Variants in DAB1 observed in about 807,000 individuals in gnomAD.
DAB1 encodes DAB adaptor protein 1.
DAB1 carries 15 observed loss-of-function variants against 64.6 expected under a neutral mutation model. The ratio of observed to expected loss-of-function variants is 0.23; its 90% CI spans 0.16 to 0.36. The LOEUF is 0.36. Among genes scored for constraint, DAB1 ranks in the 10% least tolerant of loss-of-function variants. The probability of loss-of-function intolerance (pLI) is 1.00; values close to 1 mark genes in which losing one functional copy is unlikely to be tolerated. For missense variants in DAB1, 596 were observed against 706.7 expected (o/e 0.84, Z 1.78); for synonymous variants, 235 against 251.9 (o/e 0.93, Z 0.64).
intron 4 of DAB1, among the ~76,000 whole-genome samples, chr1:58,238,579 G>A (rs1430036699): frequency 1.3e-5 from 2 of 152,158 alleles, no homozygotes; most frequent in African/African-American, 4.8e-5. Context: ...AGAAGTGTGG[G>A]ATATCCTGTT....
In DAB1 at chr1:58,057,174, T is replaced by G. The variant is rs115785362; in HGVS notation, n.387+93337A>C. ...TGTGTAAAGTGCCTACCACAGTTCT[T>G]AATATATTGTAAGTGCTCAAGAATG... On this transcript the variant is annotated intron_variant and non_coding_transcript_variant, in intron 5 of 20. Coordinates refer to the DAB1 transcript ENST00000485760. Among the ~76,000 whole-genome samples, 990 of 152,260 alleles carry G rather than the reference T, an allele frequency of 6.5e-3. 11 individuals carry two copies. The highest frequency in any genetic ancestry group is 0.023 in the African/African-American group (958 of 41,532).
intron 3 of DAB1, among the ~76,000 whole-genome samples, chr1:58,434,396 T>C (rs1376876441): frequency 7.4e-6 from 1 of 135,144 alleles, no homozygotes; most frequent in Non-Finnish European, 1.5e-5. Context: ...GGCGTGGATG[T>C]AGGACATGAG....
At chr1:58,214,275 C>G (rs897501297) in intron 4 of DAB1, among the ~76,000 whole-genome samples, 2 of 152,140 alleles carry the variant, frequency 1.3e-5, no homozygotes, top group African/African-American at 4.8e-5. Flanking sequence ...GAACTAGACG[C>G]CTCACTGAAG....
intron 7 of DAB1, among the ~76,000 whole-genome samples, chr1:57,551,221 T>C (rs1016572500): frequency 6.6e-6 from 1 of 152,158 alleles, no homozygotes; most frequent in African/African-American, 2.4e-5. Flanking sequence ...GTGCCACCTA[T>C]TTGCAGTTCT....
intron 5 of DAB1, among the ~76,000 whole-genome samples, chr1:57,928,752 A>C (rs543312384): frequency 9.9e-4 from 150 of 152,200 alleles, no homozygotes; most frequent in Non-Finnish European, 1.8e-3. Context: ...TAAACATTTA[A>C]GTTTCCTCCA....
intron 5 of DAB1, among the ~76,000 whole-genome samples, chr1:58,118,481 TATATATATATATATATATATATACAC>T (rs1359592707): frequency 8.3e-5 from 6 of 72,162 alleles, no homozygotes; most frequent in Non-Finnish European, 1.4e-4. Flanking sequence ...TATATATATA[TATATATATATATATATATATATACAC>T]ACACACACAC....
At chr1:57,830,041 A>G (rs1250086766) in intron 1 of DAB1, among the ~76,000 whole-genome samples, 1 of 152,140 alleles carries the variant, frequency 6.6e-6, no homozygotes, top group Non-Finnish European at 1.5e-5. Context: ...CTGCTCTGCT[A>G]TGAGAACTGG....
At chr1:57,409,813 A>G (rs1007223315) in intron 1 of DAB1, among the ~76,000 whole-genome samples, 1 of 152,166 alleles carries the variant, frequency 6.6e-6, no homozygotes, top group African/African-American at 2.4e-5. Context: ...CGTCTCCAAA[A>G]AGCAAACAAA....
chr1:57,277,487 A>T (rs1018531967), intron 2 of DAB1, among the ~76,000 whole-genome samples: 1 of 152,184 alleles, frequency 6.6e-6, no homozygotes, highest in Non-Finnish European at 1.5e-5. Flanking sequence ...AGTCTTGCAG[A>T]GCCTCAAGAA....
At chr1:58,309,731 C>T (rs1280897058) in intron 4 of DAB1, among the ~76,000 whole-genome samples, 1 of 152,068 alleles carries the variant, frequency 6.6e-6, no homozygotes, top group East Asian at 1.9e-4. Context: ...ATAATGAAGA[C>T]CCTGAAATTG....
intron 3 of DAB1, among the ~76,000 whole-genome samples, chr1:58,476,970 A>G (rs1645424814): frequency 6.6e-6 from 1 of 152,194 alleles, no homozygotes; most frequent in Non-Finnish European, 1.5e-5. Flanking sequence ...CACATTGACT[A>G]ATATTTTTGA....
At chr1:57,534,485 A>G (rs1644702137) in intron 7 of DAB1, among the ~76,000 whole-genome samples, 1 of 152,144 alleles carries the variant, frequency 6.6e-6, no homozygotes, top group African/African-American at 2.4e-5. Flanking sequence ...ACCCTGCTCC[A>G]GGCTGTGGGA....
At chr1:57,393,111 G>A (rs747830847) in intron 1 of DAB1, among the ~76,000 whole-genome samples, 2 of 152,116 alleles carry the variant, frequency 1.3e-5, no homozygotes, top group Non-Finnish European at 2.9e-5. Context: ...ATTGTGGAAT[G>A]GCTAAATCGA....
chr1:57,043,799 A>T (rs912358100), intron 9 of DAB1, among the ~76,000 whole-genome samples: 1 of 151,876 alleles, frequency 6.6e-6, no homozygotes, highest in Non-Finnish European at 1.5e-5. Context: ...GTGAGCCGAG[A>T]TTGCACCACT....
chr1:57,215,306 T>A (rs1403863863), intron 2 of DAB1, among the ~76,000 whole-genome samples: 1 of 152,178 alleles, frequency 6.6e-6, no homozygotes, highest in African/African-American at 2.4e-5. Context: ...AGAAGCTTAA[T>A]AAAAGAAACA....
At chr1:58,048,937 A>G in intron 5 of DAB1, 1 of 866,390 alleles carries the variant, frequency 1.2e-6, no homozygotes, top group Non-Finnish European at 1.9e-6. Context: ...CTCTTAGGTG[A>G]TGTTCTTCAG....
intron 3 of DAB1, among the ~76,000 whole-genome samples, chr1:58,501,296 G>T (rs1475985394): frequency 1.3e-5 from 2 of 152,090 alleles, no homozygotes; most frequent in Admixed American, 1.3e-4. Flanking sequence ...CTTAAAGCAA[G>T]AAAGGAACTC....
intron 5 of DAB1, among the ~76,000 whole-genome samples, chr1:58,020,768 C>T (rs913503711): frequency 3.3e-5 from 5 of 152,070 alleles, no homozygotes; most frequent in Non-Finnish European, 5.9e-5. Flanking sequence ...TTTTGGGGGC[C>T]GAAGTGGGCG....
intron 2 of DAB1, among the ~76,000 whole-genome samples, chr1:58,519,561 G>A (rs1165474848): frequency 1.3e-5 from 2 of 151,994 alleles, no homozygotes; most frequent in East Asian, 3.9e-4. Flanking sequence ...ACTTAGCACA[G>A]AGAATACCTC....
Sources: allele counts gnomAD v4.1 joint callset (sites outside exome capture counted in the v4.1 genomes callset), GRCh38; gene constraint gnomAD v4.1.1; transcripts MANE v1.5; gene names NCBI Gene and HGNC (gene_info 2026-07-23, HGNC 2026-07-21).